The following IPO5 variants were observed in gnomAD, a reference collection of about 807,000 sequenced individuals.
IPO5 encodes the protein importin 5, also known as importin-5.
Under a neutral mutation model 143.3 loss-of-function variants are expected in IPO5, and 18 were observed. The observed-to-expected ratio is 0.13, with a 90% CI of 0.09 to 0.19. IPO5 has a LOEUF of 0.19. Among genes scored for constraint, IPO5 ranks in the 10% least tolerant of loss-of-function variants. The probability of loss-of-function intolerance (pLI) is 1.00; values close to 1 mark genes in which losing one functional copy is unlikely to be tolerated. For synonymous variants in IPO5, 477 were observed against 465.7 expected (o/e 1.02, Z -0.31); for missense variants, 1,013 against 1,336.9 (o/e 0.76, Z 3.78).
intron 27 of IPO5, 29 bp downstream of exon 27, chr13:98,019,838 C>T: frequency 1.4e-6 from 2 of 1,461,058 alleles, no homozygotes; most frequent in Middle Eastern, 1.7e-4. Context: ...ACCTTATTTC[C>T]TTCTCCTCCA....
intron 2 of IPO5, among the ~76,000 whole-genome samples, chr13:97,957,179 T>C (rs978004226): frequency 3.3e-5 from 5 of 152,090 alleles, no homozygotes; most frequent in African/African-American, 1.2e-4. Context: ...CTCTTAATAT[T>C]AGTTTGATCT....
At chr13:97,997,144 A>G (rs1594091673) in intron 11 of IPO5, among the ~76,000 whole-genome samples, 3 of 152,360 alleles carry the variant, frequency 2.0e-5, no homozygotes, top group Middle Eastern at 3.4e-3. Flanking sequence ...TTATGAAACC[A>G]TTTATTATAT....
At chr13:98,021,557 GGAAAT>G (rs1566580728) in intron 28 of IPO5, 174 bp from the exon 29 acceptor site, 3 of 421,768 alleles carry the variant, frequency 7.1e-6, no homozygotes, top group African/African-American at 2.0e-5. Flanking sequence ...AAAACTTACT[GGAAAT>G]GAAATGAACT....
At position 97,985,628 on chromosome 13, in the gene IPO5, G is replaced by A; in HGVS notation, c.364+15G>A. On this transcript the variant is annotated intron_variant, in intron 6 of 28. Coordinates refer to ENST00000651721, the MANE Select transcript of IPO5 (RefSeq NM_002271.6). ...GAATTTAATAGGTGTGTATGCAGGT[G>A]CACTCATGTTACCAAGAACATGGGT... 2 of 1,589,674 alleles carry A rather than the reference G, an allele frequency of 1.3e-6. No homozygotes were observed. The highest frequency in any genetic ancestry group is 2.7e-5 in the African/African-American group (2 of 73,602).
intron 9 of IPO5, among the ~76,000 whole-genome samples, chr13:97,992,286 G>A (rs1441910025): frequency 2.0e-5 from 3 of 152,166 alleles, no homozygotes; most frequent in Non-Finnish European, 4.4e-5. Context: ...AACACAAAAT[G>A]CATACTTTAA....
intron 26 of IPO5, 131 bp downstream of exon 26, chr13:98,018,835 G>A (rs1251808006): frequency 1.1e-5 from 7 of 641,364 alleles, no homozygotes; most frequent in Non-Finnish European, 1.9e-5. Context: ...CATCTCATCT[G>A]TAGCATTTAG....
At chr13:97,985,377 AT>A (rs1398855642) in intron 5 of IPO5, 43 bp from the exon 6 acceptor site, 24 of 1,461,132 alleles carry the variant, frequency 1.6e-5, no homozygotes, top group Non-Finnish European at 2.3e-5. Context: ...AAATACATCA[AT>A]GGCAGAGTGA....
At chr13:97,962,827 A>G (rs1371127590) in intron 2 of IPO5, among the ~76,000 whole-genome samples, 1 of 152,158 alleles carries the variant, frequency 6.6e-6, no homozygotes. Flanking sequence ...AAAAAAAAAA[A>G]AAAGGTAGAT....
At chr13:98,004,186 G>T (rs1210542649) in intron 16 of IPO5, among the ~76,000 whole-genome samples, 2 of 152,200 alleles carry the variant, frequency 1.3e-5, no homozygotes, top group Non-Finnish European at 2.9e-5. Context: ...TGCTATAAAA[G>T]TTTCTAATGC....
chr13:98,017,288 T>C (rs1275091410), intron 25 of IPO5, among the ~76,000 whole-genome samples: 1 of 151,792 alleles, frequency 6.6e-6, no homozygotes, highest in African/African-American at 2.4e-5. Flanking sequence ...CTCACCCTTA[T>C]ATTTGATTTT....
At chr13:98,011,019 G>C (rs1474991734) in intron 20 of IPO5, among the ~76,000 whole-genome samples, 1 of 151,518 alleles carries the variant, frequency 6.6e-6, no homozygotes, top group Non-Finnish European at 1.5e-5. Flanking sequence ...GACCTCAGGT[G>C]ATCCGCCTGC....
rs746164206 is a variant in IPO5, at chr13:98,014,042, G to A, written c.2153G>A (p.Gly718Asp). Residue 718 changes from glycine to aspartate, a missense_variant and splice_region_variant, in exon 22 of 29, where the codon GGT becomes GAT. Coordinates refer to ENST00000651721, the MANE Select transcript of IPO5 (RefSeq NM_002271.6). ...TTTTGAGGTTCCTTAACAATGAAAC[G>A]TGTTCGAGTGGCAGCAGCGGAATCC... ...VPLLKFYFHD[G>D]VRVAAAESMP... 4.4e-6 allele frequency: 7 copies of A among 1,606,210 alleles called. No individual in the cohort carries two copies. Among genetic ancestry groups the A allele is most frequent in the African/African-American group, 1.3e-5 (1 of 74,490 alleles).
chr13:98,020,999 C>T lies in IPO5; in HGVS notation c.3073C>T (p.Pro1025Ser). ...YLCDLIESNH[P>S]IVLGPNNTNL... ...TTTCTTCTCATTTGTCAGTAATCAT[C>T]CAATTGTTCTTGGCCCAAACAATAC... The change falls in exon 28 of 29, where the codon CCA (proline) becomes TCA (serine). Residue 1025 changes from proline (P) to serine (S), a missense_variant. This residue lies in a region of IPO5 where 685 missense variants were observed against 994.9 expected (regional missense o/e 0.69). Coordinates refer to ENST00000651721, the MANE Select transcript of IPO5 (RefSeq NM_002271.6). 1 of 1,607,146 alleles carries T rather than the reference C, an allele frequency of 6.2e-7. No homozygotes were observed. Among genetic ancestry groups the T allele is most frequent in the South Asian group, 1.1e-5 (1 of 89,892 alleles).
chr13:97,995,797 GACCTGAATATT>G (rs1382807566), intron 11 of IPO5, among the ~76,000 whole-genome samples: 1 of 152,000 alleles, frequency 6.6e-6, no homozygotes, highest in African/African-American at 2.4e-5. Flanking sequence ...GTCTACTCAA[GACCTGAATATT>G]ACCTTGCACG....
intron 3 of IPO5, among the ~76,000 whole-genome samples, chr13:97,970,389 G>A (rs1885717808): frequency 6.6e-6 from 1 of 152,110 alleles, no homozygotes; most frequent in Non-Finnish European, 1.5e-5. Context: ...GGGAGGCCGA[G>A]GCGGGTGGAT....
chr13:97,986,345 A>G (rs1887341964), intron 6 of IPO5, among the ~76,000 whole-genome samples: 1 of 151,768 alleles, frequency 6.6e-6, no homozygotes, highest in Non-Finnish European at 1.5e-5. Context: ...ACGTAGCTAT[A>G]CTATGTATAT....
Position 98,022,464 on chromosome 13 carries a change from TAAACA to T in IPO5, c.*644_*648del, listed in dbSNP as rs1007412678. ...CAGTAGTCTCTCATTCACTCCTCAA[TAAACA>T]ACATTGAATACAAAAGAGGCTTGTG... On this transcript the variant is annotated 3_prime_UTR_variant, in exon 29 of 29. Coordinates refer to ENST00000651721, the MANE Select transcript of IPO5 (RefSeq NM_002271.6). The T allele has an allele frequency of 6.6e-6, 1 of 152,654 alleles. No homozygotes were observed. The highest frequency in any genetic ancestry group is 1.5e-5 in the Non-Finnish European group (1 of 68,048). The allele number at this position is 152,654 out of a possible 1,614,324, so 9.5% of individuals were successfully genotyped here.
chr13:97,961,964 A>G (rs914444132), intron 2 of IPO5, among the ~76,000 whole-genome samples: 1 of 152,148 alleles, frequency 6.6e-6, no homozygotes, highest in East Asian at 1.9e-4. Context: ...CCCCATCTCT[A>G]CTAAAAATAC....
Position 97,985,543 on chromosome 13 carries a change from G to T in IPO5, c.294G>T (p.Gln98His), listed in dbSNP as rs748037027. The T allele has an allele frequency of 1.2e-6, 2 of 1,614,042 alleles. No homozygotes were observed. The highest frequency in any genetic ancestry group is 1.1e-5 in the South Asian group (1 of 91,080). Reference sequence around the variant, plus strand: ...AGAGTGAGCTACTCATGATTATTCAGATGGAAACACAATCTAGCATGAGGA... The same window carrying T: ...AGAGTGAGCTACTCATGATTATTCATATGGAAACACAATCTAGCATGAGGA... ...AIKSELLMII[Q>H]METQSSMRKK... Residue 98 changes from glutamine (Q) to histidine (H), a missense_variant, in exon 6 of 29, where the codon CAG becomes CAT. Around this residue, in one of 2 missense-constraint regions of IPO5, gnomAD observed 328 missense variants for 342.0 expected, o/e 0.96. Coordinates refer to ENST00000651721, the MANE Select transcript of IPO5 (RefSeq NM_002271.6).
Sources: allele counts gnomAD v4.1 joint callset (sites outside exome capture counted in the v4.1 genomes callset), GRCh38; gene constraint gnomAD v4.1.1; regional missense constraint gnomAD v4.1.1; transcripts MANE v1.5; gene names NCBI Gene and HGNC (gene_info 2026-07-23, HGNC 2026-07-21).